RANBP2: variants seen among roughly 807,000 people sequenced by gnomAD.
RANBP2 encodes the protein E3 SUMO-protein ligase RanBP2.
A neutral mutation model predicts 303.6 loss-of-function variants in RANBP2; 57 were observed. The observed-to-expected ratio is 0.19, with a 90% CI of 0.15 to 0.23. The LOEUF (loss-of-function observed/expected upper bound fraction) is 0.23, where lower values mean the gene tolerates loss of function less well. Among genes scored for constraint, RANBP2 ranks in the 10% least tolerant of loss-of-function variants. RANBP2 has a pLI of 1.00. For missense variants in RANBP2, 3,138 were observed against 3,780.8 expected (o/e 0.83, Z 4.46); for synonymous variants, 1,167 against 1,301.5 (o/e 0.90, Z 2.23).
chr2:109,643,877 C>T, the RANBP2 span, among the ~76,000 whole-genome samples: 1 of 152,036 alleles, frequency 6.6e-6, no homozygotes, highest in African/African-American at 2.4e-5. Context: ...AATCCCAGCC[C>T]TTTGGGAGGC....
Position 108,771,726 on chromosome 2 carries a change from T to C in RANBP2, c.7875T>C (p.Asp2625=). The change falls in exon 21 of 29, where the codon GAT becomes GAC. Residue 2625 remains aspartate, a synonymous_variant. Transcript: ENST00000283195. ...EKAKEKKKPE[D]SPSDDDVLIV... Reference sequence around the variant, plus strand: ...CAAAAGAGAAGAAAAAACCTGAAGATTCTCCCTCAGATGATGATGTTCTCA... The same window carrying C: ...CAAAAGAGAAGAAAAAACCTGAAGACTCTCCCTCAGATGATGATGTTCTCA... The C allele has an allele frequency of 6.2e-7, 1 of 1,613,636 alleles. No homozygotes were observed. Among genetic ancestry groups the C allele is most frequent in the Non-Finnish European group, 8.5e-7 (1 of 1,179,932 alleles).
chr2:108,798,501 A>G, the RANBP2 span: 1 of 1,614,038 alleles, frequency 6.2e-7, no homozygotes, highest in Non-Finnish European at 8.5e-7. Context: ...GAAAGAGAAC[A>G]ACTGCTTTTC....
chr2:109,669,373 CAAAG>C, the RANBP2 span, among the ~76,000 whole-genome samples: 28 of 152,198 alleles, frequency 1.8e-4, no homozygotes, highest in Middle Eastern at 3.4e-3. Flanking sequence ...AAAGAAACAA[CAAAG>C]AAAGGAGACG....
chr2:108,805,197 T>C, the RANBP2 span, among the ~76,000 whole-genome samples: 6 of 152,350 alleles, frequency 3.9e-5, no homozygotes, highest in South Asian at 1.2e-3. Context: ...CTTCTCTTTA[T>C]TTGTTCTGGC....
At chr2:109,501,387 T>C in the RANBP2 span, 1 of 558,474 alleles carries the variant, frequency 1.8e-6, no homozygotes, top group Non-Finnish European at 3.3e-6. Flanking sequence ...AGAAATTGTA[T>C]AAAGTGGGAA....
the RANBP2 span, chr2:109,617,885 G>A: frequency 1.2e-5 from 2 of 160,826 alleles, no homozygotes; most frequent in Admixed American, 6.6e-5. Flanking sequence ...CGAGCGTGGT[G>A]GTGCGTGCCT....
chr2:109,514,666 C>T, the RANBP2 span, among the ~76,000 whole-genome samples: 1 of 152,212 alleles, frequency 6.6e-6, no homozygotes, highest in Non-Finnish European at 1.5e-5. Context: ...TCAGGTGTGG[C>T]TACAGCCTGG....
the RANBP2 span, among the ~76,000 whole-genome samples, chr2:109,602,491 A>G: frequency 6.6e-6 from 1 of 151,976 alleles, no homozygotes; most frequent in African/African-American, 2.4e-5. Flanking sequence ...CCCTGACCAA[A>G]ATGGTGAAAC....
the RANBP2 span, among the ~76,000 whole-genome samples, chr2:109,475,645 G>A: frequency 6.6e-6 from 1 of 152,332 alleles, no homozygotes; most frequent in East Asian, 1.9e-4. Flanking sequence ...ACTGTGCTCT[G>A]CATTGTAGGA....
chr2:109,399,722 T>C, the RANBP2 span, among the ~76,000 whole-genome samples: 5 of 152,268 alleles, frequency 3.3e-5, no homozygotes, highest in Non-Finnish European at 5.9e-5. Flanking sequence ...CACAGTGGCA[T>C]GCACAGGGCA....
intron 22 of RANBP2, 87 bp downstream of exon 22, chr2:108,772,668 A>T (rs700875): frequency 0.24 from 329,902 of 1,379,172 alleles, 41,171 homozygotes; most frequent in South Asian, 0.33. Context: ...TTCTATAATT[A>T]TCGATTTTAC....
chr2:109,302,626 C>T, the RANBP2 span, among the ~76,000 whole-genome samples: 1 of 152,218 alleles, frequency 6.6e-6, no homozygotes, highest in Non-Finnish European at 1.5e-5. Context: ...AGGGGATTAG[C>T]CAGCCCAGGC....
the RANBP2 span, among the ~76,000 whole-genome samples, chr2:109,643,541 C>G: frequency 6.6e-6 from 1 of 152,026 alleles, no homozygotes; most frequent in Non-Finnish European, 1.5e-5. Context: ...TGGCAGATCA[C>G]CTGAGATCAG....
At chr2:108,743,983 A>G (rs1244413529) in intron 7 of RANBP2, among the ~76,000 whole-genome samples, 2 of 152,228 alleles carry the variant, frequency 1.3e-5, no homozygotes, top group Non-Finnish European at 2.9e-5. Context: ...GCATTTGGGT[A>G]TTTAAGAATT....
At chr2:109,686,622 T>A in the RANBP2 span, among the ~76,000 whole-genome samples, 2 of 151,936 alleles carry the variant, frequency 1.3e-5, no homozygotes, top group African/African-American at 4.8e-5. Flanking sequence ...TTCTTACTAT[T>A]TTTTTTTAAG....
At chr2:109,727,267 T>TA in the RANBP2 span, among the ~76,000 whole-genome samples, 1 of 152,218 alleles carries the variant, frequency 6.6e-6, no homozygotes, top group Non-Finnish European at 1.5e-5. Flanking sequence ...ACCCCATATC[T>TA]TACTTGATAA....
chr2:109,687,788 G>C, the RANBP2 span, among the ~76,000 whole-genome samples: 1 of 150,714 alleles, frequency 6.6e-6, no homozygotes, highest in African/African-American at 2.4e-5. Flanking sequence ...TGTTGCTGAG[G>C]ATGGAGTGCA....
chr2:109,711,479 G>A, the RANBP2 span, among the ~76,000 whole-genome samples: 1 of 152,152 alleles, frequency 6.6e-6, no homozygotes, highest in Admixed American at 6.5e-5. Flanking sequence ...CCACTCTCTT[G>A]TTTCACAAGC....
chr2:109,724,716 GC>G, the RANBP2 span, among the ~76,000 whole-genome samples: 1 of 152,168 alleles, frequency 6.6e-6, no homozygotes, highest in African/African-American at 2.4e-5. Context: ...TTTCTCGCCA[GC>G]TTTTGCACCC....
Sources: allele counts gnomAD v4.1 joint callset (sites outside exome capture counted in the v4.1 genomes callset), GRCh38; gene constraint gnomAD v4.1.1; transcripts MANE v1.5; gene names NCBI Gene and HGNC (gene_info 2026-07-23, HGNC 2026-07-21).